The following FRMPD2 variants were observed in gnomAD, a reference collection of about 807,000 sequenced individuals.
FRMPD2 encodes the protein FERM and PDZ domain-containing protein 2.
In FRMPD2, 96 loss-of-function variants were observed where a neutral mutation model predicts 140.1. That is an observed-to-expected ratio of 0.69 (90% CI 0.58 to 0.81). FRMPD2 has a LOEUF of 0.81. Ranked by LOEUF, FRMPD2 falls within the 40% of genes least tolerant of loss-of-function variation. The probability of loss-of-function intolerance (pLI) is 0.00; values close to 1 mark genes in which losing one functional copy is unlikely to be tolerated. For missense variants in FRMPD2, 1,240 were observed against 1,447.4 expected (o/e 0.86, Z 2.32); for synonymous variants, 449 against 547.6 (o/e 0.82, Z 2.52).
intron 28 of FRMPD2, among the ~76,000 whole-genome samples, chr10:48,161,741 T>C (rs1837946952): frequency 6.6e-6 from 1 of 151,592 alleles, no homozygotes; most frequent in South Asian, 2.1e-4. Context: ...TTCAGGAATG[T>C]TATGGAGCAG....
chr10:48,270,733 A>G (rs1254678238), intron 1 of FRMPD2, among the ~76,000 whole-genome samples: 1 of 151,876 alleles, frequency 6.6e-6, no homozygotes, highest in Non-Finnish European at 1.5e-5. Context: ...CTCTTATTTG[A>G]ATACAGCAAA....
intron 9 of FRMPD2, among the ~76,000 whole-genome samples, chr10:48,234,413 G>T (rs1839920003): frequency 6.6e-6 from 1 of 152,224 alleles, no homozygotes; most frequent in African/African-American, 2.4e-5. Context: ...AGTTGCCAGT[G>T]TTTCCCACGG....
rs956078438 is a variant in FRMPD2 at position 48,237,988 on chromosome 10, T to C, written c.921+3A>G. ...GAGTGTCCTTCAGCCTTATTTTGCT[T>C]ACCTTGCTCCTTCTTTGCAGAAAAC... On this transcript the variant is annotated splice_donor_region_variant and intron_variant, in intron 8 of 28. Transcript: ENST00000374201. 13 of 1,614,074 alleles carry C rather than the reference T, an allele frequency of 8.1e-6. No homozygotes were observed. The highest frequency in any genetic ancestry group is 1.1e-5 in the Non-Finnish European group (13 of 1,180,048).
intron 14 of FRMPD2, among the ~76,000 whole-genome samples, chr10:48,203,987 G>A (rs778973334): frequency 1.3e-5 from 2 of 152,104 alleles, no homozygotes; most frequent in Admixed American, 6.6e-5. Flanking sequence ...TGATTTGAAG[G>A]CTTTTCTAGA....
intron 10 of FRMPD2, among the ~76,000 whole-genome samples, chr10:48,228,333 T>A (rs559280714): frequency 4.6e-5 from 7 of 151,858 alleles, no homozygotes; most frequent in Non-Finnish European, 1.0e-4. Context: ...CTACTTAAAA[T>A]GGTTTATAAA....
At chr10:48,233,234 G>A (rs1204875391) in intron 9 of FRMPD2, among the ~76,000 whole-genome samples, 1 of 152,188 alleles carries the variant, frequency 6.6e-6, no homozygotes, top group African/African-American at 2.4e-5. Context: ...ATGCACTCCA[G>A]GGGCCAGAGC....
intron 3 of FRMPD2, among the ~76,000 whole-genome samples, chr10:48,246,354 A>G (rs1840248112): frequency 6.6e-6 from 1 of 152,270 alleles, no homozygotes; most frequent in South Asian, 2.1e-4. Flanking sequence ...GGCTCTGTCT[A>G]AAAGTGTCTT....
Position 48,185,621 on chromosome 10 carries a change from C to T in FRMPD2, c.2291G>A (p.Ser764Asn). 6.2e-7 allele frequency: 1 copy of T among 1,614,012 alleles called. No homozygotes were observed. Among genetic ancestry groups the T allele is most frequent in the Non-Finnish European group, 8.5e-7 (1 of 1,179,850 alleles). The part of the protein sequence containing the change: ...HAGSKNNRRK[S>N]FIAEPGREIV... ...TTCTCGGCCCGGTTCAGCTATAAAG[C>T]TCTTCCTCCTATTATTCTTTGAGCC... Residue 764 changes from serine (S) to asparagine (N), a missense_variant, in exon 18 of 29, where the codon AGC becomes AAC. By Grantham distance (46) the Ser-to-Asn change is conservative (BLOSUM62 1). This residue lies in a region of FRMPD2 where 1,161 missense variants were observed against 1,055.9 expected (regional missense o/e 1.10). Coordinates refer to ENST00000374201, the MANE Select transcript of FRMPD2 (RefSeq NM_001018071.4).
intron 4 of FRMPD2, among the ~76,000 whole-genome samples, chr10:48,243,008 A>C (rs1623017): frequency 0.86 from 130,449 of 152,220 alleles, 59,183 homozygotes; most frequent in East Asian, 1. Context: ...CAAGCTCAAC[A>C]CACACTGCAG....
intron 16 of FRMPD2, among the ~76,000 whole-genome samples, chr10:48,190,880 C>A (rs73292197): frequency 1.3e-5 from 2 of 152,210 alleles, no homozygotes; most frequent in African/African-American, 2.4e-5. Context: ...GGATGCTTTG[C>A]GGGCAACACA....
At chr10:48,244,059 C>T (rs1034105227) in intron 4 of FRMPD2, among the ~76,000 whole-genome samples, 4 of 152,258 alleles carry the variant, frequency 2.6e-5, no homozygotes, top group East Asian at 1.9e-4. Flanking sequence ...TCACTTCAAC[C>T]TTCCCCTCCC....
chr10:48,259,822 T>C (rs1002409312), intron 1 of FRMPD2, among the ~76,000 whole-genome samples: 1 of 152,014 alleles, frequency 6.6e-6, no homozygotes, highest in Non-Finnish European at 1.5e-5. Flanking sequence ...GAACAGCAGA[T>C]GACAGCTAAA....
chr10:48,223,942 C>A (rs1839667722), intron 10 of FRMPD2, among the ~76,000 whole-genome samples: 1 of 152,196 alleles, frequency 6.6e-6, no homozygotes, highest in Admixed American at 6.5e-5. Context: ...AGCTGGAACC[C>A]TGTTATTGGA....
intron 10 of FRMPD2, among the ~76,000 whole-genome samples, chr10:48,230,399 C>T (rs924359077): frequency 4.6e-5 from 7 of 152,176 alleles, no homozygotes; most frequent in Non-Finnish European, 7.4e-5. Flanking sequence ...CATAAAGTTA[C>T]TTCAGCCAAA....
At chr10:48,203,178 C>A (rs1251613104) in intron 14 of FRMPD2, among the ~76,000 whole-genome samples, 1 of 152,184 alleles carries the variant, frequency 6.6e-6, no homozygotes, top group Non-Finnish European at 1.5e-5. Flanking sequence ...CACATACAAA[C>A]AAACACATAC....
At chr10:48,260,566 T>C (rs1840569529) in intron 1 of FRMPD2, among the ~76,000 whole-genome samples, 1 of 152,202 alleles carries the variant, frequency 6.6e-6, no homozygotes, top group Non-Finnish European at 1.5e-5. Context: ...ACATTTCATC[T>C]GGGCAGCCCA....
intron 16 of FRMPD2, among the ~76,000 whole-genome samples, chr10:48,187,857 A>G (rs1409742075): frequency 6.6e-6 from 1 of 152,162 alleles, no homozygotes; most frequent in African/African-American, 2.4e-5. Flanking sequence ...TGATCATACC[A>G]TGCTGTGAAC....
intron 1 of FRMPD2, among the ~76,000 whole-genome samples, chr10:48,262,045 A>T (rs567176716): frequency 2.6e-5 from 4 of 152,322 alleles, no homozygotes; most frequent in Admixed American, 6.5e-5. Flanking sequence ...TCTTAAAAAG[A>T]AACAAAAACC....
intron 18 of FRMPD2, 41 bp from the exon 19 acceptor site, chr10:48,184,922 G>C: frequency 6.7e-7 from 1 of 1,485,116 alleles, no homozygotes; most frequent in African/African-American, 1.4e-5. Flanking sequence ...ATGATACTTA[G>C]TGATTTTGCT....
Sources: allele counts gnomAD v4.1 joint callset (sites outside exome capture counted in the v4.1 genomes callset), GRCh38; gene constraint gnomAD v4.1.1; regional missense constraint gnomAD v4.1.1; transcripts MANE v1.5; gene names NCBI Gene and HGNC (gene_info 2026-07-23, HGNC 2026-07-21).